MAP3K21: variants seen among roughly 807,000 people sequenced by gnomAD.
MAP3K21 encodes the protein mitogen-activated protein kinase kinase kinase 21.
MAP3K21 carries 63 observed loss-of-function variants against 86.1 expected under a neutral mutation model. The ratio of observed to expected loss-of-function variants is 0.73; its 90% confidence interval spans 0.60 to 0.90. The LOEUF (loss-of-function observed/expected upper bound fraction) is 0.90, where lower values mean the gene tolerates loss of function less well. MAP3K21 is among the 40% of genes least tolerant of loss of function. MAP3K21 has a pLI of 0.00. For synonymous variants in MAP3K21, 558 were observed against 564.8 expected (o/e 0.99, Z 0.17); for missense variants, 1,220 against 1,367.7 (o/e 0.89, Z 1.70).
Position 233,382,443 on chromosome 1 carries a change from C to A in MAP3K21, c.2843C>A (p.Ala948Asp), listed in dbSNP as rs1463052117. The change falls in exon 10 of 10, where the codon GCC becomes GAC. Residue 948 changes from alanine (A) to aspartate (D), a missense_variant. Physicochemically the swap from Ala to Asp is moderately radical, Grantham distance 126. Around this residue, in one of 5 missense-constraint regions of MAP3K21, gnomAD observed 632 missense variants for 691.3 expected, o/e 0.91. Transcript: ENST00000366624. ...CACATCGTGCCTCAGCGTCGCCCTG[C>A]CTCCCTGAGAAGCCGCTCAGATCTG... is the stretch of plus-strand genomic sequence containing the variant. The part of the protein sequence containing the change: ...TVHIVPQRRP[A>D]SLRSRSDLPQ... 3.7e-6 allele frequency: 6 copies of A among 1,614,174 alleles called. No individual in the cohort carries two copies. The highest frequency in any genetic ancestry group is 4.2e-6 in the Non-Finnish European group (5 of 1,180,026).
intron 1 of MAP3K21, among the ~76,000 whole-genome samples, chr1:233,341,018 CTG>C: frequency 6.6e-6 from 1 of 152,250 alleles, no homozygotes; most frequent in South Asian, 2.1e-4. Flanking sequence ...TGAAAAAATT[CTG>C]TGCCTCATGG....
Position 233,354,993 on chromosome 1 carries a change from G to C in MAP3K21, c.1293G>C (p.Glu431Asp). 6.2e-7 allele frequency: 1 copy of C among 1,612,220 alleles called. No homozygotes were observed. The highest frequency in any genetic ancestry group is 8.5e-7 in the Non-Finnish European group (1 of 1,178,844). Residue 431 changes from glutamate to aspartate, a missense_variant, in exon 4 of 10, where the codon GAG becomes GAC. Transcript: ENST00000366624. ...WKLEIQQMFD[E>D]LRTKEKELRS... The stretch of plus-strand genomic sequence containing the variant: ...TAGAAATTCAACAAATGTTTGATGA[G>C]TTGAGAACAAAGGAAAAGGTGAGAG...
At chr1:233,359,962 TTTTG>T (rs556982571) in intron 4 of MAP3K21, among the ~76,000 whole-genome samples, 1 of 152,242 alleles carries the variant, frequency 6.6e-6, no homozygotes, top group Non-Finnish European at 1.5e-5. Context: ...GCAAGTGATT[TTTTG>T]TTTATTATTC....
At chr1:233,335,435 A>C (rs1294290) in intron 1 of MAP3K21, among the ~76,000 whole-genome samples, 118,187 of 151,940 alleles carry the variant, frequency 0.78, 46,237 homozygotes, top group East Asian at 0.99. Context: ...ACATTTATTT[A>C]GGGCATATTA....
chr1:233,354,172 T>C lies in MAP3K21; in HGVS notation c.1135+217T>C, dbSNP rs16858991. Reference sequence around the variant, plus strand: ...CTTACCTACAATCCAGTTTTATCAGTGACTTATTTATGTATAAAACTCAAC... The same window carrying C: ...CTTACCTACAATCCAGTTTTATCAGCGACTTATTTATGTATAAAACTCAAC... On this transcript the variant is annotated intron_variant, in intron 3 of 9. Coordinates refer to ENST00000366624, the MANE Select transcript of MAP3K21 (RefSeq NM_032435.3). 6.0e-3 allele frequency among the ~76,000 whole-genome samples: 916 copies of C among 152,328 alleles called. 20 individuals are homozygous for C. In the East Asian group the frequency reaches 0.062, roughly 10 times the overall value.
At chr1:233,364,282 T>G (rs1458471808) in intron 5 of MAP3K21, among the ~76,000 whole-genome samples, 1 of 152,180 alleles carries the variant, frequency 6.6e-6, no homozygotes, top group Non-Finnish European at 1.5e-5. Flanking sequence ...ATAGACTATT[T>G]ATTTATGATG....
At chr1:233,339,639 T>A (rs7513538) in intron 1 of MAP3K21, among the ~76,000 whole-genome samples, 1 of 151,520 alleles carries the variant, frequency 6.6e-6, no homozygotes, top group African/African-American at 2.4e-5. Context: ...AGTACCATGA[T>A]GCCCAGCCAC....
At chr1:233,358,959 A>G (rs1452587664) in intron 4 of MAP3K21, among the ~76,000 whole-genome samples, 1 of 151,762 alleles carries the variant, frequency 6.6e-6, no homozygotes, top group East Asian at 1.9e-4. Context: ...ACAGGCGCCC[A>G]CCACCACACC....
At chr1:233,337,211 CAA>C (rs5781738) in intron 1 of MAP3K21, among the ~76,000 whole-genome samples, 1 of 151,786 alleles carries the variant, frequency 6.6e-6, no homozygotes, top group African/African-American at 2.4e-5. Flanking sequence ...CTGTTGTAGC[CAA>C]AAAAAATCCT....
At chr1:233,339,486 C>CT (rs746238626) in intron 1 of MAP3K21, among the ~76,000 whole-genome samples, 14,485 of 85,098 alleles carry the variant, frequency 0.17, 1,107 homozygotes, top group Middle Eastern at 0.24. Flanking sequence ...TCTTCTTCTT[C>CT]TTTTTTTTTT....
intron 6 of MAP3K21, chr1:233,374,193 T>C (rs1663741828): frequency 2.0e-5 from 3 of 152,190 alleles, no homozygotes; most frequent in Admixed American, 2.0e-4. Context: ...ACATTTTTTT[T>C]TTTTTGAAAT....
chr1:233,364,999 TGTACAATATCCTAGAA>T, intron 5 of MAP3K21, among the ~76,000 whole-genome samples: 1 of 152,166 alleles, frequency 6.6e-6, no homozygotes, highest in Non-Finnish European at 1.5e-5. Context: ...CATATTTACT[TGTACAATATCCTAGAA>T]TGGGACAGAC....
chr1:233,355,154 A>G (rs1019938197), intron 4 of MAP3K21, 143 bp downstream of exon 4: 2 of 653,016 alleles, frequency 3.1e-6, no homozygotes, highest in African/African-American at 1.8e-5. Context: ...CAGGTTAAAA[A>G]TAAAACAAAA....
intron 4 of MAP3K21, among the ~76,000 whole-genome samples, chr1:233,356,737 G>A (rs1663365361): frequency 6.6e-6 from 1 of 152,134 alleles, no homozygotes; most frequent in African/African-American, 2.4e-5. Flanking sequence ...GTATTCTTAC[G>A]CAATGCAAAA....
chr1:233,381,720 A>G (rs1471605355), intron 9 of MAP3K21, among the ~76,000 whole-genome samples: 1 of 152,222 alleles, frequency 6.6e-6, no homozygotes, highest in East Asian at 1.9e-4. Flanking sequence ...TTTTTCTCTA[A>G]CTTATAAGCC....
chr1:233,330,614 C>T (rs563102224), intron 1 of MAP3K21, among the ~76,000 whole-genome samples: 14 of 152,254 alleles, frequency 9.2e-5, no homozygotes, highest in Non-Finnish European at 1.5e-4. Context: ...CATTCTTTCC[C>T]CTGCCTCTTG....
At chr1:233,354,010 A>G (rs1235886598) in intron 3 of MAP3K21, 55 bp downstream of exon 3, 2 of 1,379,622 alleles carry the variant, frequency 1.4e-6, no homozygotes, top group South Asian at 2.1e-5. Context: ...TCATTAGAAT[A>G]TCATTTTTTA....
chr1:233,354,094 G>C, intron 3 of MAP3K21, 139 bp downstream of exon 3: 1 of 1,054,026 alleles, frequency 9.5e-7, no homozygotes, highest in Non-Finnish European at 1.3e-6. Context: ...TTAAGAATTG[G>C]AAACCTAGTC....
rs764950049 is a variant in MAP3K21 at position 233,379,047 on chromosome 1, G to A, written c.2041G>A (p.Glu681Lys). Reference protein sequence around the residue: ...DLPLGKDAQRENPAEAESWEE... With the variant: ...DLPLGKDAQRKNPAEAESWEE... ...ACCTCTTGGGAAAGATGCTCAGAGA[G>A]AGAATCCTGCAGAAGCTGAAAGCTG... The change falls in exon 9 of 10, where the codon GAG (glutamate) becomes AAG (lysine). Residue 681 changes from glutamate to lysine, a missense_variant. Glu to Lys is a moderately conservative substitution (Grantham distance 56). This residue lies in a region of MAP3K21 where 632 missense variants were observed against 691.3 expected (regional missense o/e 0.91). Transcript: ENST00000366624. 9.9e-6 allele frequency: 16 copies of A among 1,614,114 alleles called. No individual in the cohort carries two copies. The highest frequency in any genetic ancestry group is 2.2e-5 in the East Asian group (1 of 44,888).
Sources: gnomAD v4.1 joint callset for allele counts (sites outside exome capture counted in the v4.1 genomes callset) on GRCh38, gnomAD v4.1.1 for gene constraint, gnomAD v4.1.1 regional missense constraint, MANE v1.5 for transcripts, NCBI Gene and HGNC (gene_info 2026-07-23, HGNC 2026-07-21) for gene names.